Variants in DOCK5 observed in about 807,000 individuals in gnomAD.
DOCK5 encodes the protein dedicator of cytokinesis 5.
A neutral mutation model predicts 251.8 loss-of-function variants in DOCK5; 142 were observed. The ratio of observed to expected loss-of-function variants is 0.56; its 90% CI spans 0.49 to 0.65. The LOEUF is 0.65. Among genes scored for constraint, DOCK5 ranks in the 30% least tolerant of loss-of-function variants. The probability of loss-of-function intolerance (pLI) is 0.00; values close to 1 mark genes in which losing one functional copy is unlikely to be tolerated. For missense variants in DOCK5, 2,111 were observed against 2,312.3 expected (o/e 0.91, Z 1.79); for synonymous variants, 842 against 835.5 (o/e 1.01, Z -0.13).
chr8:25,261,791 C>T (rs1436453901), intron 2 of DOCK5, among the ~76,000 whole-genome samples: 2 of 152,164 alleles, frequency 1.3e-5, no homozygotes, highest in African/African-American at 4.8e-5. Flanking sequence ...AAACAGCCAC[C>T]GATCTGGTTT....
chr8:25,272,289 A>T (rs1036411081), intron 3 of DOCK5, among the ~76,000 whole-genome samples: 1 of 152,186 alleles, frequency 6.6e-6, no homozygotes, highest in Non-Finnish European at 1.5e-5. Flanking sequence ...TTGGCTTCCT[A>T]AAGTGCTGGG....
intron 27 of DOCK5, among the ~76,000 whole-genome samples, chr8:25,356,035 CA>C (rs375002413): frequency 6.2e-4 from 82 of 132,674 alleles, no homozygotes; most frequent in African/African-American, 2.0e-3. Flanking sequence ...TATTAAAATA[CA>C]AAAAAAAAAA....
Position 25,268,884 on chromosome 8 carries a change from A to G in DOCK5, c.167A>G (p.Lys56Arg). The G allele has an allele frequency of 6.4e-7, 1 of 1,560,322 alleles. No individual in the cohort carries two copies. Among genetic ancestry groups the G allele is most frequent in the Admixed American group, 2.0e-5 (1 of 48,934 alleles). The part of the protein sequence containing the change: ...RGYTLQNKSK[K>R]GIFPETYIHL... ...TATACCCTCCAAAATAAATCTAAAA[A>G]GGTATGACTTATCATTCACTTTTTA... The change falls in exon 3 of 52, where the codon AAG (lysine) becomes AGG (arginine). Residue 56 changes from lysine (K) to arginine (R), a missense_variant and splice_region_variant. Physicochemically the swap from Lys to Arg is conservative, Grantham distance 26. This residue lies in a region of DOCK5 where 335 missense variants were observed against 324.9 expected (regional missense o/e 1.03). Transcript: ENST00000276440.
chr8:25,268,948 T>C, intron 3 of DOCK5, 63 bp downstream of exon 3: 1 of 1,372,544 alleles, frequency 7.3e-7, no homozygotes, highest in East Asian at 2.6e-5. Flanking sequence ...TGTATTGTGC[T>C]ATGTGACCCT....
chr8:25,399,979 A>T lies in DOCK5; in HGVS notation c.4773A>T (p.Arg1591=). Residue 1591 remains arginine, a synonymous_variant, in exon 46 of 52, where the codon CGA becomes CGT. Coordinates refer to ENST00000276440, the MANE Select transcript of DOCK5 (RefSeq NM_024940.8). Reference sequence around the variant, plus strand: ...AGGAGAAGGTTGAGCTGCTAAAGCGACTAATAGCATTACAGGTACAGGACG... The same window carrying T: ...AGGAGAAGGTTGAGCTGCTAAAGCGTCTAATAGCATTACAGGTACAGGACG... ...EDQEKVELLK[R]LIALQMPLLT... is the part of the protein sequence containing the mutation. 6.2e-7 allele frequency: 1 copy of T among 1,613,640 alleles called. No individual in the cohort carries two copies. Among genetic ancestry groups the T allele is most frequent in the Non-Finnish European group, 8.5e-7 (1 of 1,179,758 alleles).
chr8:25,385,643 G>A (rs1801152524), intron 40 of DOCK5, among the ~76,000 whole-genome samples: 1 of 152,168 alleles, frequency 6.6e-6, no homozygotes, highest in Non-Finnish European at 1.5e-5. Flanking sequence ...TGGGAGCAGA[G>A]TCAAAACGAA....
rs762769795 is a variant in DOCK5, at chr8:25,366,851, C to G, written c.3124-19C>G. 1 of 1,598,950 alleles carries G rather than the reference C, an allele frequency of 6.3e-7. No homozygotes were observed. Among genetic ancestry groups the G allele is most frequent in the Admixed American group, 1.7e-5 (1 of 59,594 alleles). ...GTTATTTTTCATTTCCCTTTACCCACACAATTAATTTTGAACAGCTCTGGA... is the reference window on the plus strand; with the variant it reads ...GTTATTTTTCATTTCCCTTTACCCAGACAATTAATTTTGAACAGCTCTGGA... On this transcript the variant is annotated intron_variant, in intron 30 of 51. Transcript: ENST00000276440.
chr8:25,343,005 T>A (rs1410315145), intron 25 of DOCK5, among the ~76,000 whole-genome samples: 15 of 151,186 alleles, frequency 9.9e-5, no homozygotes, highest in Admixed American at 9.9e-4. Context: ...GCGTCCGGCT[T>A]GTTTGTTTTT....
chr8:25,276,356 TTCTTGCCCACCTCA>T (rs1369330137), intron 4 of DOCK5, among the ~76,000 whole-genome samples: 1 of 152,302 alleles, frequency 6.6e-6, no homozygotes, highest in African/African-American at 2.4e-5. Context: ...GTATTCATAT[TTCTTGCCCACCTCA>T]TCTTGCCCAC....
At chr8:25,311,551 A>G in intron 13 of DOCK5, among the ~76,000 whole-genome samples, 1 of 151,520 alleles carries the variant, frequency 6.6e-6, no homozygotes, top group African/African-American at 2.4e-5. Flanking sequence ...CTCAAAAAAA[A>G]AAAAAAGAAA....
intron 27 of DOCK5, among the ~76,000 whole-genome samples, chr8:25,354,845 A>G (rs1026746227): frequency 2.6e-5 from 4 of 152,318 alleles, no homozygotes; most frequent in Admixed American, 2.6e-4. Flanking sequence ...GTATCTGATT[A>G]TTGTTACATT....
chr8:25,210,033 T>TATATAA lies in DOCK5; in HGVS notation c.43+25083_43+25084insTATAAA, dbSNP rs1293166301. On this transcript the variant is annotated intron_variant, in intron 1 of 51. Transcript: ENST00000276440. ...TTATATATATATATATATATATATA[T>TATATAA]AAATGTGTGTGTGTGTGTGTGTGTG... 1.3e-3 allele frequency among the ~76,000 whole-genome samples: 29 copies of TATATAA among 22,874 alleles called. 8 individuals are homozygous for TATATAA. The highest frequency in any genetic ancestry group is 0.01 in the East Asian group (11 of 1,090). The allele number at this position is 22,874 out of a possible 152,430, so 15.0% of individuals were successfully genotyped here.
Position 25,310,394 on chromosome 8 carries a change from T to A in DOCK5, c.1193-13T>A, listed in dbSNP as rs1379755405. 1 of 1,595,666 alleles carries A rather than the reference T, an allele frequency of 6.3e-7. No homozygotes were observed. The highest frequency in any genetic ancestry group is 8.5e-7 in the Non-Finnish European group (1 of 1,174,668). On this transcript the variant is annotated splice_polypyrimidine_tract_variant and intron_variant, in intron 12 of 51. Transcript: ENST00000276440. ...TACAAAGAACTAAACGTTTATCTTT[T>A]ATTTCTTTTAAGGCCTTTGGGTATC... is the stretch of plus-strand genomic sequence containing the variant.
intron 5 of DOCK5, among the ~76,000 whole-genome samples, chr8:25,287,649 T>C (rs992198483): frequency 6.6e-6 from 1 of 152,206 alleles, no homozygotes; most frequent in African/African-American, 2.4e-5. Flanking sequence ...AAGTTTGTTT[T>C]TGAGTCCCTA....
At chr8:25,329,097 T>C (rs988437168) in intron 18 of DOCK5, among the ~76,000 whole-genome samples, 4 of 152,214 alleles carry the variant, frequency 2.6e-5, no homozygotes, top group Non-Finnish European at 5.9e-5. Context: ...AATAGCTTTG[T>C]CTTTCTTTTC....
chr8:25,408,018 C>T lies in DOCK5; in HGVS notation c.5129C>T (p.Ser1710Leu), dbSNP rs1297794253. ...ILEPLLERRA[S>L]SGARVEDLSL... ...GAGCCACTTTTGGAGCGCAGGGCCT[C>T]GTCAGGTGCCAGAGTTGAAGATCTG... Residue 1710 changes from serine to leucine, a missense_variant, in exon 49 of 52, where the codon TCG (serine) becomes TTG (leucine). Coordinates refer to ENST00000276440, the MANE Select transcript of DOCK5 (RefSeq NM_024940.8). 3 of 1,612,760 alleles carry T rather than the reference C, an allele frequency of 1.9e-6. No individual in the cohort carries two copies. Among genetic ancestry groups the T allele is most frequent in the Non-Finnish European group, 2.5e-6 (3 of 1,179,448 alleles).
intron 2 of DOCK5, among the ~76,000 whole-genome samples, chr8:25,266,014 C>T (rs1803737213): frequency 6.6e-6 from 1 of 151,860 alleles, no homozygotes. Context: ...TTGGTGTTCA[C>T]CATGGTTGCC....
chr8:25,236,865 C>T (rs1802812853), intron 1 of DOCK5, among the ~76,000 whole-genome samples: 1 of 151,864 alleles, frequency 6.6e-6, no homozygotes, highest in African/African-American at 2.4e-5. Flanking sequence ...TCCCAAAGTT[C>T]TGGGATGACA....
intron 14 of DOCK5, among the ~76,000 whole-genome samples, chr8:25,318,096 G>T (rs936318990): frequency 6.6e-6 from 1 of 151,600 alleles, no homozygotes; most frequent in Non-Finnish European, 1.5e-5. Context: ...TGTTGCTGTT[G>T]TTGTTGTTGT....
Sources: gnomAD v4.1 joint callset for allele counts (sites outside exome capture counted in the v4.1 genomes callset) on GRCh38, gnomAD v4.1.1 for gene constraint, gnomAD v4.1.1 regional missense constraint, MANE v1.5 for transcripts, NCBI Gene and HGNC (gene_info 2026-07-23, HGNC 2026-07-21) for gene names.